EPG5: variants seen among roughly 807,000 people sequenced by gnomAD.
EPG5 encodes ectopic P-granules 5 autophagy tethering factor, also known as ectopic P granules protein 5 homolog.
EPG5 carries 159 observed loss-of-function variants against 302.7 expected under a neutral mutation model. The ratio of observed to expected loss-of-function variants is 0.53; its 90% CI spans 0.46 to 0.60. The LOEUF is 0.60. Among genes scored for constraint, EPG5 ranks in the 20% least tolerant of loss-of-function variants. EPG5 has a pLI of 0.00. For missense variants in EPG5, 2,896 were observed against 3,092.4 expected, an observed-to-expected ratio of 0.94 and a Z score of 1.51; for synonymous variants, 1,158 against 1,136.8, an observed-to-expected ratio of 1.02 and a Z score of -0.37.
chr18:45,953,214 A>G (rs1194874737), intron 2 of EPG5: 2 of 869,496 alleles, frequency 2.3e-6, no homozygotes, highest in Non-Finnish European at 2.8e-6. Context: ...CAAGAAAATA[A>G]TAGAACTTGT....
intron 34 of EPG5, 47 bp from the exon 35 acceptor site, chr18:45,876,389 A>G (rs1400170238): frequency 6.7e-7 from 1 of 1,493,374 alleles, no homozygotes; most frequent in Non-Finnish European, 9.3e-7. Context: ...CGTGATTAAA[A>G]TACTGTTAAG....
At chr18:45,825,837 A>C in the EPG5 span, 7,502 of 1,595,820 alleles carry the variant, frequency 4.7e-3, 31 homozygotes, top group Middle Eastern at 1.0e-2. Flanking sequence ...TGCTGAAAGC[A>C]TCTTAGGTAC....
Position 45,910,550 on chromosome 18 carries a change from A to G in EPG5, c.4176T>C (p.Thr1392=), listed in dbSNP as rs2049867503. 1 of 1,612,456 alleles carries G rather than the reference A, an allele frequency of 6.2e-7. No homozygotes were observed. The change falls in exon 23 of 44, where the codon ACT becomes ACC. Residue 1392 remains threonine (T), a synonymous_variant. Transcript: ENST00000282041. ...ESHSGTPGYL[T]SPELHKELVR... Reference sequence around the variant, plus strand: ...CCAGCTCCTTGTGCAGTTCTGGTGAAGTCAGGTAACCAGGGGTGCCAGAGT... The same window carrying G: ...CCAGCTCCTTGTGCAGTTCTGGTGAGGTCAGGTAACCAGGGGTGCCAGAGT...
intron 32 of EPG5, among the ~76,000 whole-genome samples, chr18:45,879,778 C>T (rs190108312): frequency 2.0e-4 from 31 of 152,308 alleles, no homozygotes; most frequent in African/African-American, 3.6e-4. Context: ...CCATGGGACA[C>T]TGCATCATAG....
At position 45,879,059 on chromosome 18, in the gene EPG5, T is replaced by C. The variant is rs2145393184; in HGVS notation, c.5823A>G (p.Leu1941=). The change falls in exon 33 of 44, where the codon TTA becomes TTG. Residue 1941 remains leucine, a synonymous_variant. Transcript: ENST00000282041. ...GGTCTTGGGCCAAACAGGTCATTTC[T>C]AAGTCAATCAGCCTTTTCACAAGGT... ...LGYLVKRLID[L]EMTCLAQDPT... 6.2e-7 allele frequency: 1 copy of C among 1,614,200 alleles called. No individual in the cohort carries two copies. The highest frequency in any genetic ancestry group is 8.5e-7 in the Non-Finnish European group (1 of 1,180,030).
At chr18:45,909,757 A>G (rs1378220199) in intron 23 of EPG5, among the ~76,000 whole-genome samples, 3 of 152,224 alleles carry the variant, frequency 2.0e-5, no homozygotes, top group African/African-American at 7.2e-5. Flanking sequence ...GGATCTATGA[A>G]CCACACTTAA....
Position 45,904,036 on chromosome 18 carries a change from G to C in EPG5, c.4411C>G (p.Leu1471Val), listed in dbSNP as rs997723404. The change falls in exon 25 of 44, where the codon CTT becomes GTT. Residue 1471 changes from leucine to valine, a missense_variant. By Grantham distance (32) the Leu-to-Val change is conservative. This residue lies in a region of EPG5 where 790 missense variants were observed against 798.0 expected (regional missense o/e 0.99). Coordinates refer to ENST00000282041, the MANE Select transcript of EPG5 (RefSeq NM_020964.3). Reference protein sequence around the residue: ...ETVGLWTQAKLESHSTPCSLS... With the variant: ...ETVGLWTQAKVESHSTPCSLS... ...CTGCAGGGTGTGGAATGGGACTCAA[G>C]CTTGGCCTGTGTCCACAGACCAACA... 1 of 1,613,264 alleles carries C rather than the reference G, an allele frequency of 6.2e-7. No homozygotes were observed. Among genetic ancestry groups the C allele is most frequent in the Non-Finnish European group, 8.5e-7 (1 of 1,179,914 alleles).
chr18:45,920,344 T>C (rs145645916), intron 16 of EPG5, among the ~76,000 whole-genome samples: 24 of 152,316 alleles, frequency 1.6e-4, no homozygotes, highest in Admixed American at 4.6e-4. Flanking sequence ...TGGCAGGAGA[T>C]GGCCCTTGAA....
chr18:45,877,031 G>A lies in EPG5; in HGVS notation c.5943-689C>T, dbSNP rs148398829. On this transcript the variant is annotated intron_variant, in intron 34 of 43. Coordinates refer to ENST00000282041, the MANE Select transcript of EPG5 (RefSeq NM_020964.3). ...AGTCCTGACCTCAAGTGATCCACCT[G>A]CCTTGGCCTCCCAAAGTACTGGGTT... Among the ~76,000 whole-genome samples the A allele has an allele frequency of 1.1e-3, 164 of 152,198 alleles. 2 individuals are homozygous for A. The highest frequency in any genetic ancestry group is 3.7e-3 in the African/African-American group (152 of 41,558).
chr18:45,917,572 G>A lies in EPG5; in HGVS notation c.3239+107C>T, dbSNP rs1466156304. 13 of 1,409,004 alleles carry A rather than the reference G, an allele frequency of 9.2e-6. No individual in the cohort carries two copies. The Admixed American group carries it at 9.6e-5, about 10-fold the overall frequency. The allele number at this position is 1,409,004 out of a possible 1,614,324, so 87.3% of individuals were successfully genotyped here. A position where few individuals can be genotyped will look rare whatever the true frequency, so the allele number is the denominator to read the frequency against. ...GAATATTTTTGCCCCATAATACGCT[G>A]TTGAAATAGCATTCCCTTTATTTTA... On this transcript the variant is annotated intron_variant, in intron 17 of 43. Transcript: ENST00000282041.
intron 16 of EPG5, among the ~76,000 whole-genome samples, chr18:45,919,177 C>T (rs78175115): frequency 0.1 from 15,235 of 152,200 alleles, 901 homozygotes; most frequent in African/African-American, 0.16. Flanking sequence ...TATTCACAAA[C>T]AACTTATGTC....
At chr18:45,867,911 T>G in intron 36 of EPG5, 163 bp from the exon 37 acceptor site, 1 of 696,272 alleles carries the variant, frequency 1.4e-6, no homozygotes, top group Non-Finnish European at 2.6e-6. Flanking sequence ...ATATTTGTAA[T>G]ATCTTTCCTT....
At chr18:45,943,782 G>T (rs1265559218) in intron 8 of EPG5, among the ~76,000 whole-genome samples, 1 of 152,082 alleles carries the variant, frequency 6.6e-6, no homozygotes, top group African/African-American at 2.4e-5. Flanking sequence ...TTAGCCGGGC[G>T]TGGTGGCGGG....
Position 45,860,113 on chromosome 18 carries a change from A to T in EPG5, c.7000T>A (p.Phe2334Ile), listed in dbSNP as rs1348643756. The T allele has an allele frequency of 6.2e-7, 1 of 1,614,108 alleles. No homozygotes were observed. Among genetic ancestry groups the T allele is most frequent in the Non-Finnish European group, 8.5e-7 (1 of 1,180,058 alleles). The change falls in exon 40 of 44, where the codon TTC becomes ATC. Residue 2334 changes from phenylalanine (F) to isoleucine (I), a missense_variant. Transcript: ENST00000282041. The stretch of plus-strand genomic sequence containing the variant: ...GATGACCTCCTCTTACTTTCTTTGA[A>T]GTAGGCAGTGATGCAGGCTTCTGTA... ...ETTEACITAY[F>I]KESPLNQNSG...
At chr18:45,958,125 AAAG>A (rs1347528378) in intron 1 of EPG5, among the ~76,000 whole-genome samples, 1 of 152,192 alleles carries the variant, frequency 6.6e-6, no homozygotes, top group Non-Finnish European at 1.5e-5. Flanking sequence ...AAATTGAGAG[AAAG>A]AAGCATAATA....
intron 23 of EPG5, among the ~76,000 whole-genome samples, chr18:45,909,908 T>C (rs2049851104): frequency 6.6e-6 from 1 of 152,216 alleles, no homozygotes; most frequent in South Asian, 2.1e-4. Context: ...ATCGTCTCAC[T>C]ATAATCGTGC....
chr18:45,861,410 C>T (rs1015524207), intron 39 of EPG5, among the ~76,000 whole-genome samples: 2 of 152,208 alleles, frequency 1.3e-5, no homozygotes, highest in African/African-American at 4.8e-5. Flanking sequence ...ACAACAGACC[C>T]TAGTCTCTCC....
chr18:45,845,352 T>A (rs533662456), downstream of EPG5, among the ~76,000 whole-genome samples: 3 of 152,282 alleles, frequency 2.0e-5, no homozygotes, highest in African/African-American at 7.2e-5. Flanking sequence ...TGGCACCCCC[T>A]TTAACAACGG....
chr18:45,953,367 C>T, intron 2 of EPG5: 2 of 985,128 alleles, frequency 2.0e-6, no homozygotes, highest in Non-Finnish European at 2.4e-6. Context: ...AGAGAATACA[C>T]ACTCCACCAG....
Sources: gnomAD v4.1 joint callset for allele counts (sites outside exome capture counted in the v4.1 genomes callset) on GRCh38, gnomAD v4.1.1 for gene constraint, gnomAD v4.1.1 regional missense constraint, MANE v1.5 for transcripts, NCBI Gene and HGNC (gene_info 2026-07-23, HGNC 2026-07-21) for gene names.